Variants in GPR179 observed in about 807,000 individuals in gnomAD.
GPR179 encodes the protein G protein-coupled receptor 179, also known as probable G protein-coupled receptor 179.
GPR179 carries 52 observed loss-of-function variants against 70.8 expected under a neutral mutation model. The observed-to-expected ratio is 0.73, with a 90% CI of 0.59 to 0.93. The LOEUF (loss-of-function observed/expected upper bound fraction) is 0.93, where lower values mean the gene tolerates loss of function less well. GPR179 is among the 40% of genes least tolerant of loss of function. GPR179 has a pLI of 0.00. For missense variants in GPR179, 2,734 were observed against 2,966.8 expected, an observed-to-expected ratio of 0.92 and a Z score of 1.82; for synonymous variants, 1,123 against 1,169.0, an observed-to-expected ratio of 0.96 and a Z score of 0.80.
Position 38,324,814 on chromosome 17 carries a change from G to A in GPR179, c.*1651C>T, listed in dbSNP as rs1214347873. On this transcript the variant is annotated 3_prime_UTR_variant, in exon 11 of 11. Coordinates refer to ENST00000616987, the MANE Select transcript of GPR179 (RefSeq NM_001004334.4). ...GAATAAGGGCCCTAGGTAAGAGAAT[G>A]AGGACATCTGGTCCCCAAAGGAGAG... is the stretch of plus-strand genomic sequence containing the variant. 6.6e-6 allele frequency among the ~76,000 whole-genome samples: 1 copy of A among 152,244 alleles called. No individual in the cohort carries two copies. Among genetic ancestry groups the A allele is most frequent in the Admixed American group, 6.5e-5 (1 of 15,290 alleles).
chr17:38,343,573 G>A lies in GPR179; in HGVS notation c.217C>T (p.Gln73Ter), dbSNP rs1288055136. The change falls in exon 1 of 11, where the codon CAG becomes TAG. Residue 73 changes from glutamine to a stop codon, truncating the protein, a stop_gained. Transcript: ENST00000616987. LOFTEE classifies it high-confidence loss of function. This position sits in a 1 kb window ranked among gnomAD's most constrained non-coding sequence, Gnocchi z 4.2. Reference protein sequence around the residue: ...LYSGDAQQLSQVNCSERYEAR... With the variant: ...LYSGDAQQLS The stretch of plus-strand genomic sequence containing the variant: ...TCATAGCGCTCACTGCAATTCACCT[G>A]TGATAGCTGCTGGGCATCTCCAGAG... 2 of 1,613,864 alleles carry A rather than the reference G, an allele frequency of 1.2e-6. No homozygotes were observed. Among genetic ancestry groups the A allele is most frequent in the East Asian group, 4.5e-5 (2 of 44,880 alleles).
chr17:38,326,307 T>G lies in GPR179; in HGVS notation c.*158A>C. The G allele has an allele frequency of 1.7e-6, 1 of 605,610 alleles. No homozygotes were observed. The highest frequency in any genetic ancestry group is 2.9e-6 in the Non-Finnish European group (1 of 343,790). 37.5% of individuals were successfully genotyped at this position (605,610 alleles called of 1,614,324 possible). A position where few individuals can be genotyped will look rare whatever the true frequency, so the allele number is the denominator to read the frequency against. On this transcript the variant is annotated 3_prime_UTR_variant, in exon 11 of 11. Transcript: ENST00000616987. Reference sequence around the variant, plus strand: ...CATTGGGGTCTAAGCTGTACCCTTTTCATGCAGTTTGTCTTTGGGATGGGT... The same window carrying G: ...CATTGGGGTCTAAGCTGTACCCTTTGCATGCAGTTTGTCTTTGGGATGGGT...
Position 38,331,202 on chromosome 17 carries a change from C to T in GPR179, c.2367G>A (p.Leu789=), listed in dbSNP as rs2037355557. Reference sequence around the variant, plus strand: ...CCTTCTTGGCCAGCTTCCTCCTCAGCAGTGAGTCAAGAAGAGGCGGGTCCT... The same window carrying T: ...CCTTCTTGGCCAGCTTCCTCCTCAGTAGTGAGTCAAGAAGAGGCGGGTCCT... ...REQDPPLLDS[L]LRRKLAKKAS... The change falls in exon 11 of 11, where the codon CTG becomes CTA. Residue 789 remains leucine, a synonymous_variant. Coordinates refer to ENST00000616987, the MANE Select transcript of GPR179 (RefSeq NM_001004334.4). 6.2e-7 allele frequency: 1 copy of T among 1,607,744 alleles called. No individual in the cohort carries two copies. The highest frequency in any genetic ancestry group is 8.5e-7 in the Non-Finnish European group (1 of 1,178,292).
chr17:38,343,318 T>C lies in GPR179; in HGVS notation c.472A>G (p.Ser158Gly), dbSNP rs748225956. The C allele has an allele frequency of 1.2e-6, 2 of 1,614,024 alleles. No homozygotes were observed. The highest frequency in any genetic ancestry group is 2.7e-5 in the African/African-American group (2 of 74,928). ...LLTFNPPPGA[S>G]HLQLALQATR... ...GCCTGCAGGGCCAGCTGTAGGTGGCTGGCCCCTGGTGGAGGGTTAAAGGTC... is the reference window on the plus strand; with the variant it reads ...GCCTGCAGGGCCAGCTGTAGGTGGCCGGCCCCTGGTGGAGGGTTAAAGGTC... The change falls in exon 1 of 11, where the codon AGC becomes GGC. Residue 158 changes from serine (S) to glycine (G), a missense_variant. Physicochemically the swap from Ser to Gly is moderately conservative, Grantham distance 56. Transcript: ENST00000616987. The surrounding 1 kb of genome is among the most constrained non-coding windows in gnomAD (Gnocchi z 4.2).
At position 38,343,442 on chromosome 17, in the gene GPR179, G is replaced by C. The variant is rs768327746; in HGVS notation, c.348C>G (p.Asn116Lys). Residue 116 changes from asparagine to lysine, a missense_variant, in exon 1 of 11, where the codon AAC becomes AAG. Physicochemically the swap from Asn to Lys is moderately conservative, Grantham distance 94 (BLOSUM62 0). Transcript: ENST00000616987. This position sits in a 1 kb window ranked among gnomAD's most constrained non-coding sequence, Gnocchi z 4.2. Reference protein sequence around the residue: ...ANFLNMLLQANDIRESSVEED... With the variant: ...ANFLNMLLQAKDIRESSVEED... The stretch of plus-strand genomic sequence containing the variant: ...CCTCCACACTGGACTCACGGATGTC[G>C]TTGGCTTGCAGCAGCATGTTGAGAA... 12 of 1,613,976 alleles carry C rather than the reference G, an allele frequency of 7.4e-6. No individual in the cohort carries two copies. The South Asian group carries it at 9.9e-5, about 13-fold the overall frequency.
chr17:38,333,529 A>C (rs984791852), intron 9 of GPR179, 132 bp from the exon 10 acceptor site: 7 of 969,696 alleles, frequency 7.2e-6, no homozygotes, highest in Non-Finnish European at 1.0e-5. Flanking sequence ...AATTCTGGGG[A>C]TCTTTAGAGT....
rs200125665 is a variant in GPR179, at chr17:38,327,298, G to A, written c.6271C>T (p.Pro2091Ser). The change falls in exon 11 of 11, where the codon CCA becomes TCA. Residue 2091 changes from proline to serine, a missense_variant. Physicochemically the swap from Pro to Ser is moderately conservative, Grantham distance 74. Transcript: ENST00000616987. Reference sequence around the variant, plus strand: ...CCTCTGCTTCTGTCAGAAGCATCTGGGGCTGGCTGTGGGGACAGACCCTTG... The same window carrying A: ...CCTCTGCTTCTGTCAGAAGCATCTGAGGCTGGCTGTGGGGACAGACCCTTG... ...DGKGLSPQPA[P>S]DASDRSRGSS... is the part of the protein sequence containing the mutation. The A allele has an allele frequency of 1.2e-6, 2 of 1,614,140 alleles. No individual in the cohort carries two copies. The highest frequency in any genetic ancestry group is 1.7e-6 in the Non-Finnish European group (2 of 1,180,006).
chr17:38,328,230 T>G lies in GPR179; in HGVS notation c.5339A>C (p.Asp1780Ala). 6.2e-7 allele frequency: 1 copy of G among 1,613,688 alleles called. No homozygotes were observed. The highest frequency in any genetic ancestry group is 8.5e-7 in the Non-Finnish European group (1 of 1,180,018). The change falls in exon 11 of 11, where the codon GAT (aspartate) becomes GCT (alanine). Residue 1780 changes from aspartate to alanine, a missense_variant. Physicochemically the swap from Asp to Ala is moderately radical, Grantham distance 126. Transcript: ENST00000616987. ...GAACCCAGCTTTTGGTCCATCAGCA[T>G]CTAGAGTACCTGGATGCTGAGAACA... The part of the protein sequence containing the change: ...GACSQHPGTL[D>A]ADGPKAGFQE...
chr17:38,339,496 T>C lies in GPR179; in HGVS notation c.824A>G (p.Gln275Arg), dbSNP rs1411175549. ...TGCACACTGATTGATGTCCACACTC[T>C]GGAGATCTACGTCCATCTGCACCTG... is the stretch of plus-strand genomic sequence containing the variant. Reference protein sequence around the residue: ...RGQVQMDVDLQSVDINQCASG... With the variant: ...RGQVQMDVDLRSVDINQCASG... The change falls in exon 2 of 11, where the codon CAG becomes CGG. Residue 275 changes from glutamine to arginine, a missense_variant. Transcript: ENST00000616987. 1 of 1,614,050 alleles carries C rather than the reference T, an allele frequency of 6.2e-7. No individual in the cohort carries two copies. Among genetic ancestry groups the C allele is most frequent in the Non-Finnish European group, 8.5e-7 (1 of 1,179,918 alleles).
rs1039613309 is a variant in GPR179 at position 38,325,318 on chromosome 17, G to C, written c.*1147C>G. ...ACAGTGCCCTTTTCCCAGCTCTCAG[G>C]CTTCTAACTTGCCCTGTAGCACTCC... On this transcript the variant is annotated 3_prime_UTR_variant, in exon 11 of 11. Transcript: ENST00000616987. Among the ~76,000 whole-genome samples the C allele has an allele frequency of 6.6e-6, 1 of 152,114 alleles. No individual in the cohort carries two copies. Among genetic ancestry groups the C allele is most frequent in the East Asian group, 1.9e-4 (1 of 5,192 alleles).
Position 38,329,108 on chromosome 17 carries a change from C to A in GPR179, c.4461G>T (p.Val1487=), listed in dbSNP as rs1389429183. ...EICPWELDDN[V]MGQEMLSLGT... Reference sequence around the variant, plus strand: ...CCAGACTCAGCATTTCCTGCCCCATCACGTTATCATCCAGCTCCCAGGGAC... The same window carrying A: ...CCAGACTCAGCATTTCCTGCCCCATAACGTTATCATCCAGCTCCCAGGGAC... Residue 1487 remains valine (V), a synonymous_variant, in exon 11 of 11, where the codon GTG becomes GTT. Transcript: ENST00000616987. 3 of 1,611,414 alleles carry A rather than the reference C, an allele frequency of 1.9e-6. No individual in the cohort carries two copies. The highest frequency in any genetic ancestry group is 1.7e-5 in the Admixed American group (1 of 59,724).
Position 38,327,164 on chromosome 17 carries a change from C to T in GPR179, c.6405G>A (p.Ala2135=), listed in dbSNP as rs777772284. The T allele has an allele frequency of 1.5e-5, 25 of 1,614,142 alleles. No individual in the cohort carries two copies. The highest frequency in any genetic ancestry group is 4.4e-5 in the South Asian group (4 of 91,090). Residue 2135 remains alanine, a synonymous_variant, in exon 11 of 11, where the codon GCG becomes GCA. Transcript: ENST00000616987. ...CCCCTTCCTCTGCTGCTCCTCCACC[C>T]GCCTCCCAAGGGCAGATCTCTGCTT... ...AKKAEICPWE[A]GGGAAEEGEQ...
Position 38,328,767 on chromosome 17 carries a change from G to C in GPR179, c.4802C>G (p.Thr1601Arg). The C allele has an allele frequency of 6.2e-7, 1 of 1,613,988 alleles. No individual in the cohort carries two copies. The highest frequency in any genetic ancestry group is 1.1e-5 in the South Asian group (1 of 91,064). ...CTGTGCTGATGTCCATTCCTCTCTT[G>C]TTCTTTCATTTACCTCCCAGGGACA... The part of the protein sequence containing the change: ...EICPWEVNER[T>R]REEWTSAQVP... Residue 1601 changes from threonine to arginine, a missense_variant, in exon 11 of 11, where the codon ACA (threonine) becomes AGA (arginine). Coordinates refer to ENST00000616987, the MANE Select transcript of GPR179 (RefSeq NM_001004334.4).
At position 38,330,649 on chromosome 17, in the gene GPR179, G is replaced by A; in HGVS notation, c.2920C>T (p.Pro974Ser). 1 of 1,597,642 alleles carries A rather than the reference G, an allele frequency of 6.3e-7. No individual in the cohort carries two copies. The highest frequency in any genetic ancestry group is 1.1e-5 in the South Asian group (1 of 88,736). The change falls in exon 11 of 11, where the codon CCT (proline) becomes TCT (serine). Residue 974 changes from proline to serine, a missense_variant. Physicochemically the swap from Pro to Ser is moderately conservative, Grantham distance 74 (BLOSUM62 -1). Transcript: ENST00000616987. ...LLPALAPTPA[P>S]ALAPVPVSPQ... Reference sequence around the variant, plus strand: ...GATACTGGGACTGGTGCCAGGGCAGGGGCTGGGGTTGGAGCTAGAGCTGGC... The same window carrying A: ...GATACTGGGACTGGTGCCAGGGCAGAGGCTGGGGTTGGAGCTAGAGCTGGC...
rs2037289998 is a variant in GPR179, at chr17:38,326,768, GA to G, written c.6800del (p.Phe2267SerfsTer12). 1 of 1,614,222 alleles carries G rather than the reference GA, an allele frequency of 6.2e-7. No homozygotes were observed. The highest frequency in any genetic ancestry group is 1.1e-5 in the South Asian group (1 of 91,090). The part of the protein sequence containing the change: ...LALTATRREF[F>X]PTAPEKPLCL... ...ATAGTGGTTTTTCAGGAGCTGTGGG[GA>G]AAAATTCTCTCCGAGTTGCTGTTAA... On this transcript the variant is annotated frameshift_variant, in exon 11 of 11. Coordinates refer to ENST00000616987, the MANE Select transcript of GPR179 (RefSeq NM_001004334.4). LOFTEE classifies it low-confidence loss of function (END_TRUNC).
chr17:38,335,548 C>T, intron 6 of GPR179, 43 bp downstream of exon 6: 1 of 1,388,738 alleles, frequency 7.2e-7, no homozygotes, highest in Non-Finnish European at 1.0e-6. Context: ...CTGGGGTGGT[C>T]TGGGATGAGC....
rs1325427513 is a variant in GPR179 at position 38,330,030 on chromosome 17, C to CCT, written c.3537_3538dup (p.Gly1180GlufsTer5). 6.2e-7 allele frequency: 1 copy of CCT among 1,614,110 alleles called. No individual in the cohort carries two copies. Among genetic ancestry groups the CCT allele is most frequent in the Non-Finnish European group, 8.5e-7 (1 of 1,180,044 alleles). ...CCCTAGACCCTGGGTCATCCTCCTGCCTCTGTCTTCTTGTTCCCTGCTGCC... is the reference window on the plus strand; with the variant it reads ...CCCTAGACCCTGGGTCATCCTCCTGCCTCTCTGTCTTCTTGTTCCCTGCTGCC... On this transcript the variant is annotated frameshift_variant, in exon 11 of 11. Coordinates refer to ENST00000616987, the MANE Select transcript of GPR179 (RefSeq NM_001004334.4). LOFTEE classifies it low-confidence loss of function (END_TRUNC).
rs762379750 is a variant in GPR179, at chr17:38,330,043, G to T, written c.3526C>A (p.Gln1176Lys). 2 of 1,614,226 alleles carry T rather than the reference G, an allele frequency of 1.2e-6. No individual in the cohort carries two copies. Among genetic ancestry groups the T allele is most frequent in the Admixed American group, 1.7e-5 (1 of 60,026 alleles). Residue 1176 changes from glutamine (Q) to lysine (K), a missense_variant, in exon 11 of 11, where the codon CAA becomes AAA. By Grantham distance (53) the Gln-to-Lys change is moderately conservative (BLOSUM62 1). Coordinates refer to ENST00000616987, the MANE Select transcript of GPR179 (RefSeq NM_001004334.4). The stretch of plus-strand genomic sequence containing the variant: ...GTCATCCTCCTGCCTCTGTCTTCTT[G>T]TTCCCTGCTGCCCTCCCGTTGACAG... ...QVCQREGSRE[Q>K]EDRGRRMTQG...
chr17:38,326,492 G>A lies in GPR179; in HGVS notation c.7077C>T (p.Pro2359=). 1 of 1,610,974 alleles carries A rather than the reference G, an allele frequency of 6.2e-7. No individual in the cohort carries two copies. Among genetic ancestry groups the A allele is most frequent in the South Asian group, 1.1e-5 (1 of 90,934 alleles). ...FEAQYEEFTP[P]TVYPWDWE Reference sequence around the variant, plus strand: ...ACTCCCAATCCCAAGGATAGACAGTGGGAGGGGTGAATTCTTCATACTGAG... The same window carrying A: ...ACTCCCAATCCCAAGGATAGACAGTAGGAGGGGTGAATTCTTCATACTGAG... Residue 2359 remains proline, a synonymous_variant, in exon 11 of 11, where the codon CCC becomes CCT. Transcript: ENST00000616987.
Sources: allele counts gnomAD v4.1 joint callset (sites outside exome capture counted in the v4.1 genomes callset), GRCh38; gene constraint gnomAD v4.1.1; non-coding constraint Gnocchi (gnomAD v3.1); transcripts MANE v1.5; gene names NCBI Gene and HGNC (gene_info 2026-07-23, HGNC 2026-07-21).